Variants in NDRG1 observed in about 807,000 individuals in gnomAD.
The protein encoded by NDRG1 is N-myc downstream regulated 1, also known as protein NDRG1.
In NDRG1, 32 loss-of-function variants were observed where a neutral mutation model predicts 56.9. The ratio of observed to expected loss-of-function variants is 0.56; its 90% CI spans 0.42 to 0.76. The LOEUF (loss-of-function observed/expected upper bound fraction) is 0.76. Ranked by LOEUF, NDRG1 falls within the 30% of genes least tolerant of loss-of-function variation. The pLI, the probability that NDRG1 is intolerant of heterozygous loss-of-function variation, is 0.00. For missense variants in NDRG1, 507 were observed against 545.7 expected, an observed-to-expected ratio of 0.93 and a Z score of 0.71; for synonymous variants, 211 against 204.1, an observed-to-expected ratio of 1.03 and a Z score of -0.29.
chr8:133,255,965 GGACA>G (rs1856347629), intron 8 of NDRG1: 1 of 153,976 alleles, frequency 6.5e-6, no homozygotes, highest in South Asian at 2.0e-4. Context: ...ACACCAGCCA[GGACA>G]GAGCTTCCCA....
chr8:133,242,505 C>T (rs1257527888), intron 14 of NDRG1, among the ~76,000 whole-genome samples: 1 of 152,214 alleles, frequency 6.6e-6, no homozygotes. Context: ...ACCTTAGATA[C>T]ATTTCATAGC....
chr8:133,259,731 T>C (rs1856568326), intron 5 of NDRG1, among the ~76,000 whole-genome samples: 1 of 152,186 alleles, frequency 6.6e-6, no homozygotes, highest in Admixed American at 6.5e-5. Flanking sequence ...TCCTCACACA[T>C]GCCGGGCTCT....
intron 15 of NDRG1, chr8:133,240,168 A>C (rs75077232): frequency 6.6e-6 from 1 of 152,154 alleles, no homozygotes; most frequent in Non-Finnish European, 1.5e-5. Context: ...GAACTTTGAG[A>C]GAATGGATTT....
intron 1 of NDRG1, 125 bp from the exon 2 acceptor site, chr8:133,284,454 T>A: frequency 3.8e-6 from 3 of 791,428 alleles, no homozygotes; most frequent in Non-Finnish European, 6.4e-6. Context: ...ACCTCCCTCG[T>A]GATGCACTGC....
At chr8:133,259,329 C>T in intron 5 of NDRG1, 99 bp from the exon 6 acceptor site, 1 of 1,215,122 alleles carries the variant, frequency 8.2e-7, no homozygotes, top group Non-Finnish European at 1.2e-6. Context: ...CAGCAGCCTG[C>T]CCCATGCACC....
intron 3 of NDRG1, among the ~76,000 whole-genome samples, chr8:133,274,916 G>A (rs1857377122): frequency 6.6e-6 from 1 of 152,184 alleles, no homozygotes; most frequent in South Asian, 2.1e-4. Flanking sequence ...TCAGCAAGAG[G>A]GCGTGGGAGG....
intron 1 of NDRG1, chr8:133,296,571 C>T (rs563276330): frequency 2.4e-5 from 11 of 456,058 alleles, no homozygotes; most frequent in African/African-American, 2.0e-4. Flanking sequence ...CACACCCGTT[C>T]CCGACCCAGT....
chr8:133,248,668 G>A lies in NDRG1; in HGVS notation c.755+47C>T, dbSNP rs745728608. 6 of 1,609,388 alleles carry A rather than the reference G, an allele frequency of 3.7e-6. No homozygotes were observed. The East Asian group carries it at 8.9e-5, about 24-fold the overall frequency. ...CCCTGCCAGCAAGGCCACCTTTATA[G>A]TGGGCAGCCCCGACTGCAAGTGCTG... On this transcript the variant is annotated intron_variant, in intron 11 of 15. Coordinates refer to ENST00000323851, the MANE Select transcript of NDRG1 (RefSeq NM_006096.4).
At position 133,256,652 on chromosome 8, in the gene NDRG1, T is replaced by C. The variant is rs373149733; in HGVS notation, c.537+125A>G. The C allele has an allele frequency of 5.2e-5, 45 of 860,488 alleles. No individual in the cohort carries two copies. In the East Asian group the frequency reaches 7.4e-4, roughly 14 times the overall value. The allele number at this position is 860,488 out of a possible 1,614,324, so 53.3% of individuals were successfully genotyped here. A position where few individuals can be genotyped will look rare whatever the true frequency, so the allele number is the denominator to read the frequency against. ...AAGCAGAGGGAACTGGAGTGGGCAGTAGAGGGTAGTGGAGGAGTGGGTAAA... is the reference window on the plus strand; with the variant it reads ...AAGCAGAGGGAACTGGAGTGGGCAGCAGAGGGTAGTGGAGGAGTGGGTAAA... On this transcript the variant is annotated intron_variant, in intron 8 of 15. Coordinates refer to ENST00000323851, the MANE Select transcript of NDRG1 (RefSeq NM_006096.4).
chr8:133,293,606 C>T (rs1178147353), intron 1 of NDRG1, among the ~76,000 whole-genome samples: 2 of 152,176 alleles, frequency 1.3e-5, no homozygotes, highest in Non-Finnish European at 2.9e-5. Context: ...TCACTAATTC[C>T]CTGGCACTGT....
chr8:133,247,815 A>G, intron 12 of NDRG1, 60 bp downstream of exon 12: 1 of 1,586,746 alleles, frequency 6.3e-7, no homozygotes, highest in Non-Finnish European at 8.7e-7. Flanking sequence ...CACTTCAACA[A>G]AGTCAACCAG....
chr8:133,257,445 A>G (rs780526147), intron 7 of NDRG1, among the ~76,000 whole-genome samples: 2 of 152,224 alleles, frequency 1.3e-5, no homozygotes, highest in Non-Finnish European at 2.9e-5. Flanking sequence ...AGTATAGTCT[A>G]CAACTCACCA....
intron 1 of NDRG1, among the ~76,000 whole-genome samples, chr8:133,294,495 T>A (rs1194904450): frequency 1.3e-5 from 2 of 152,104 alleles, no homozygotes; most frequent in African/African-American, 4.8e-5. Context: ...GGCCTCTGAG[T>A]CACATCTGGA....
chr8:133,293,054 T>C (rs956679430), intron 1 of NDRG1, among the ~76,000 whole-genome samples: 13 of 152,126 alleles, frequency 8.5e-5, no homozygotes, highest in Non-Finnish European at 1.5e-4. Flanking sequence ...TGCTGGGGCT[T>C]ACGCCCCACC....
intron 3 of NDRG1, 57 bp downstream of exon 3, chr8:133,280,175 A>G: frequency 5.6e-6 from 9 of 1,598,524 alleles, no homozygotes; most frequent in Non-Finnish European, 7.7e-6. Context: ...TGGAAAGAAA[A>G]AGGAAAAAGA....
At chr8:133,291,827 A>T (rs1031676491) in intron 1 of NDRG1, among the ~76,000 whole-genome samples, 2 of 152,118 alleles carry the variant, frequency 1.3e-5, no homozygotes, top group Non-Finnish European at 2.9e-5. Flanking sequence ...CCTCTCAAAC[A>T]AGCCAAAGCC....
chr8:133,270,598 C>T (rs1349103339), intron 3 of NDRG1, among the ~76,000 whole-genome samples: 1 of 152,156 alleles, frequency 6.6e-6, no homozygotes, highest in Non-Finnish European at 1.5e-5. Context: ...CTGCCTGCAT[C>T]CTACTTGGAA....
chr8:133,250,391 G>C, intron 10 of NDRG1, 49 bp downstream of exon 10: 12 of 1,500,770 alleles, frequency 8.0e-6, no homozygotes, highest in Non-Finnish European at 1.1e-5. Context: ...CGGATCTACA[G>C]AAGACACCTC....
chr8:133,249,521 T>G (rs1334487595), intron 10 of NDRG1: 2 of 154,482 alleles, frequency 1.3e-5, no homozygotes, highest in African/African-American at 4.8e-5. Context: ...ACAGTGGGAT[T>G]TGGAGAGGGG....
Sources: allele counts gnomAD v4.1 joint callset (sites outside exome capture counted in the v4.1 genomes callset), GRCh38; gene constraint gnomAD v4.1.1; transcripts MANE v1.5; gene names NCBI Gene and HGNC (gene_info 2026-07-23, HGNC 2026-07-21).